Variants in FYTTD1 observed in about 807,000 individuals in gnomAD.
FYTTD1 encodes the protein forty-two-three domain containing 1.
In FYTTD1, 22 loss-of-function variants were observed where a neutral mutation model predicts 40.9. The ratio of observed to expected loss-of-function variants is 0.54; its 90% CI spans 0.38 to 0.77. The LOEUF is 0.77. FYTTD1 is among the 30% of genes least tolerant of loss of function. The pLI is 0.00. For missense variants in FYTTD1, 351 were observed against 392.2 expected, an observed-to-expected ratio of 0.90 and a Z score of 0.89; for synonymous variants, 140 against 137.9, an observed-to-expected ratio of 1.01 and a Z score of -0.10.
chr3:197,764,859 T>G (rs1729495678), intron 2 of FYTTD1, among the ~76,000 whole-genome samples: 1 of 150,416 alleles, frequency 6.6e-6, no homozygotes. Flanking sequence ...CTTTTTTTTT[T>G]TGGGGGGGGA....
intron 7 of FYTTD1, among the ~76,000 whole-genome samples, chr3:197,777,570 CGAG>C (rs1729911653): frequency 6.6e-6 from 1 of 152,098 alleles, no homozygotes; most frequent in Non-Finnish European, 1.5e-5. Flanking sequence ...CAATAATAAA[CGAG>C]ATGATGGTAT....
chr3:197,773,315 T>C, intron 4 of FYTTD1, 88 bp from the exon 5 acceptor site: 1 of 729,782 alleles, frequency 1.4e-6, no homozygotes. Context: ...GTTTGCAGCC[T>C]ATGAATTTAA....
chr3:197,780,841 C>T (rs2109056820), intron 8 of FYTTD1, among the ~76,000 whole-genome samples: 1 of 151,702 alleles, frequency 6.6e-6, no homozygotes, highest in East Asian at 1.9e-4. Context: ...CCATGCCTGG[C>T]CCAGTTTCTT....
At chr3:197,751,906 C>T (rs12486112) in intron 1 of FYTTD1, among the ~76,000 whole-genome samples, 27,929 of 152,048 alleles carry the variant, frequency 0.18, 3,325 homozygotes, top group South Asian at 0.34. Context: ...GAGTCTGGCT[C>T]TGTCGCCCAG....
chr3:197,781,931 T>G lies in FYTTD1; in HGVS notation c.*22T>G, dbSNP rs1221023642. 1.4e-6 allele frequency: 2 copies of G among 1,465,312 alleles called. No homozygotes were observed. The highest frequency in any genetic ancestry group is 9.4e-7 in the Non-Finnish European group (1 of 1,068,662). The allele number at this position is 1,465,312 out of a possible 1,614,324, so 90.8% of individuals were successfully genotyped here. On this transcript the variant is annotated 3_prime_UTR_variant, in exon 9 of 9. Coordinates refer to ENST00000241502, the MANE Select transcript of FYTTD1 (RefSeq NM_032288.7). ...ATAGGTCCCATGTCAAAGGAACTTT[T>G]GAGTGATGACTCTGAGAAGTTGAAT...
chr3:197,786,577 C>T lies in FYTTD1; in HGVS notation c.*4668C>T. On this transcript the variant is annotated 3_prime_UTR_variant, in exon 9 of 9. Transcript: ENST00000241502. Reference sequence around the variant, plus strand: ...TTCTCCTAGTGTGCATATTTAATTTCTACTTACTCCATTTCCCTTTAATGA... The same window carrying T: ...TTCTCCTAGTGTGCATATTTAATTTTTACTTACTCCATTTCCCTTTAATGA... The T allele has an allele frequency of 6.6e-6, 1 of 152,122 alleles. No homozygotes were observed. The highest frequency in any genetic ancestry group is 2.1e-4 in the South Asian group (1 of 4,824). 9.4% of individuals were successfully genotyped at this position (152,122 alleles called of 1,614,324 possible). A position where few individuals can be genotyped will look rare whatever the true frequency, so the allele number is the denominator to read the frequency against.
chr3:197,773,998 C>G (rs149864759), intron 5 of FYTTD1, 151 bp from the exon 6 acceptor site: 10,518 of 699,992 alleles, frequency 0.015, 181 homozygotes, highest in Middle Eastern at 0.022. Flanking sequence ...CGCACACGCC[C>G]CACTGGGTTA....
chr3:197,764,708 CAAAAA>C (rs375534910), intron 2 of FYTTD1, among the ~76,000 whole-genome samples: 2 of 89,582 alleles, frequency 2.2e-5, no homozygotes, highest in Admixed American at 1.2e-4. Context: ...GAGTCCGTCC[CAAAAA>C]AAAAAAAAAA....
chr3:197,771,807 T>G (rs1729728351), intron 4 of FYTTD1, among the ~76,000 whole-genome samples: 1 of 135,786 alleles, frequency 7.4e-6, no homozygotes, highest in Non-Finnish European at 1.6e-5. Context: ...ATGCAAAAAT[T>G]AGCCCGATGT....
intron 1 of FYTTD1, chr3:197,755,736 C>T: frequency 6.8e-7 from 1 of 1,467,278 alleles, no homozygotes; most frequent in African/African-American, 1.4e-5. Flanking sequence ...GATCCGCCCA[C>T]CTCAGCCTCC....
At chr3:197,754,647 G>C (rs1480565537) in intron 1 of FYTTD1, among the ~76,000 whole-genome samples, 1 of 147,638 alleles carries the variant, frequency 6.8e-6, no homozygotes, top group Non-Finnish European at 1.5e-5. Flanking sequence ...GGAAATGTTT[G>C]TGGGTTTTTT....
intron 2 of FYTTD1, among the ~76,000 whole-genome samples, chr3:197,761,757 C>G (rs1204775119): frequency 6.6e-6 from 1 of 152,202 alleles, no homozygotes; most frequent in African/African-American, 2.4e-5. Context: ...GACTCTTACT[C>G]TCTCAGGAAT....
Position 197,785,248 on chromosome 3 carries a change from G to T in FYTTD1, c.*3339G>T, listed in dbSNP as rs1159601109. On this transcript the variant is annotated 3_prime_UTR_variant, in exon 9 of 9. Transcript: ENST00000241502. The stretch of plus-strand genomic sequence containing the variant: ...ATTACAGTCATCCCTCAGTATACAC[G>T]GAGGATTGGTTCCAGGACCCTTGTA... The T allele has an allele frequency of 6.6e-6, 1 of 152,192 alleles. No individual in the cohort carries two copies. The highest frequency in any genetic ancestry group is 1.5e-5 in the Non-Finnish European group (1 of 68,034). 9.4% of individuals were successfully genotyped at this position (152,192 alleles called of 1,614,324 possible). A position where few individuals can be genotyped will look rare whatever the true frequency, so the allele number is the denominator to read the frequency against.
intron 8 of FYTTD1, among the ~76,000 whole-genome samples, chr3:197,779,498 C>T (rs550240737): frequency 1.4e-5 from 2 of 138,536 alleles, no homozygotes; most frequent in Non-Finnish European, 3.1e-5. Context: ...AATTCACTTA[C>T]TTTTGTATTG....
At chr3:197,753,473 C>T (rs923908304) in intron 1 of FYTTD1, among the ~76,000 whole-genome samples, 3 of 151,994 alleles carry the variant, frequency 2.0e-5, no homozygotes, top group Admixed American at 2.0e-4. Context: ...ATTACTATTA[C>T]CATGTATATT....
chr3:197,764,849 C>CT (rs974106480), intron 2 of FYTTD1, among the ~76,000 whole-genome samples: 60 of 144,134 alleles, frequency 4.2e-4, no homozygotes, highest in Admixed American at 4.9e-4. Flanking sequence ...CTATTCCATA[C>CT]TTTTTTTTTT....
intron 2 of FYTTD1, among the ~76,000 whole-genome samples, chr3:197,767,676 A>G (rs1365932592): frequency 6.6e-6 from 1 of 151,374 alleles, no homozygotes; most frequent in Non-Finnish European, 1.5e-5. Flanking sequence ...CTGGTCTTAA[A>G]CTCCTGAGCT....
chr3:197,774,904 A>G (rs551811742), intron 6 of FYTTD1, among the ~76,000 whole-genome samples: 1 of 152,268 alleles, frequency 6.6e-6, no homozygotes, highest in Admixed American at 6.5e-5. Context: ...CTCCAAAAAA[A>G]TTTTTAAACA....
At chr3:197,776,293 C>G (rs372896004) in intron 6 of FYTTD1, among the ~76,000 whole-genome samples, 3 of 151,646 alleles carry the variant, frequency 2.0e-5, no homozygotes, top group Non-Finnish European at 4.4e-5. Context: ...GCAACCTCCC[C>G]CTCCCGGGTT....
Sources: allele counts gnomAD v4.1 joint callset (sites outside exome capture counted in the v4.1 genomes callset), GRCh38; gene constraint gnomAD v4.1.1; transcripts MANE v1.5; gene names NCBI Gene and HGNC (gene_info 2026-07-23, HGNC 2026-07-21).